APOL2: variants seen among roughly 807,000 people sequenced by gnomAD.
APOL2 encodes apolipoprotein L2.
Under a neutral mutation model 7.1 loss-of-function variants are expected in APOL2, and 8 were observed. The ratio of observed to expected loss-of-function variants is 1.12; its 90% CI spans 0.66 to 2.03. The LOEUF (loss-of-function observed/expected upper bound fraction) is 2.03, where lower values mean the gene tolerates loss of function less well. APOL2 is among the 30% of genes most tolerant of loss of function. APOL2 has a pLI of 0.00. For missense variants in APOL2, 471 were observed against 415.1 expected (o/e 1.13, Z -1.17); for synonymous variants, 177 against 159.9 (o/e 1.11, Z -0.81).
At chr22:36,236,608 C>T (rs962552717) in intron 1 of APOL2, 58 of 985,402 alleles carry the variant, frequency 5.9e-5, no homozygotes, top group Admixed American at 2.5e-4. Context: ...TGTGTCTCTG[C>T]GCACTCCCCG....
chr22:36,237,482 T>A, intron 1 of APOL2: 1 of 765,940 alleles, frequency 1.3e-6, no homozygotes, highest in Non-Finnish European at 1.6e-6. Flanking sequence ...TATCACAGCT[T>A]GCTGTAGCCT....
In APOL2 at chr22:36,226,663, G is replaced by GT. The variant is rs1556619172; in HGVS notation, c.*740_*741insA. The GT allele has an allele frequency of 2.1e-5, 1 of 47,600 alleles. No individual in the cohort carries two copies. Among genetic ancestry groups the GT allele is most frequent in the Admixed American group, 2.8e-4 (1 of 3,542 alleles). 2.9% of individuals were successfully genotyped at this position (47,600 alleles called of 1,614,324 possible). A position where few individuals can be genotyped will look rare whatever the true frequency, so the allele number is the denominator to read the frequency against. ...TTATTCTTGGAAGGACATCAAACCT[G>GT]GGGGGGGGTCGGTAGTGGAGCTGCT... On this transcript the variant is annotated 3_prime_UTR_variant, in exon 5 of 5. Coordinates refer to ENST00000358502, the MANE Select transcript of APOL2 (RefSeq NM_030882.4).
Position 36,236,784 on chromosome 22 carries a change from C to T in APOL2, c.-134+2657G>A, listed in dbSNP as rs545174806. The T allele has an allele frequency of 3.7e-6, 4 of 1,092,708 alleles. No homozygotes were observed. The East Asian group carries it at 2.1e-4, about 58-fold the overall frequency. The allele number at this position is 1,092,708 out of a possible 1,614,324, so 67.7% of individuals were successfully genotyped here. A position where few individuals can be genotyped will look rare whatever the true frequency, so the allele number is the denominator to read the frequency against. ...TTTCAGGGTCGAGGCATCCAGATATCTGTCTTCTGGGGCCCCTACGCAGCA... is the reference window on the plus strand; with the variant it reads ...TTTCAGGGTCGAGGCATCCAGATATTTGTCTTCTGGGGCCCCTACGCAGCA... On this transcript the variant is annotated intron_variant, in intron 1 of 4. Coordinates refer to ENST00000358502, the MANE Select transcript of APOL2 (RefSeq NM_030882.4).
chr22:36,239,169 G>T (rs913459218), intron 1 of APOL2: 8 of 1,242,370 alleles, frequency 6.4e-6, no homozygotes, highest in Non-Finnish European at 8.1e-6. Context: ...GTGTCTGAGG[G>T]TGTCAGAACC....
rs753758990 is a variant in APOL2 at position 36,227,977 on chromosome 22, C to T, written c.441G>A (p.Val147=). The T allele has an allele frequency of 2.8e-5, 45 of 1,614,208 alleles. 1 individual carries two copies. The Middle Eastern group carries it at 2.8e-3, about 101-fold the overall frequency. ...LAPFTEGISF[V]LLDTGMGLGA... is the part of the protein sequence containing the mutation. Reference sequence around the variant, plus strand: ...CCAGACCCATGCCAGTGTCCAAGAGCACAAAACTGATTCCTTCTGTGAAGG... The same window carrying T: ...CCAGACCCATGCCAGTGTCCAAGAGTACAAAACTGATTCCTTCTGTGAAGG... Residue 147 remains valine (V), a synonymous_variant, in exon 5 of 5, where the codon GTG becomes GTA. Coordinates refer to ENST00000358502, the MANE Select transcript of APOL2 (RefSeq NM_030882.4).
Position 36,233,176 on chromosome 22 carries a change from G to C in APOL2, c.-14C>G, listed in dbSNP as rs1456821407. 6.2e-7 allele frequency: 1 copy of C among 1,614,078 alleles called. No individual in the cohort carries two copies. Among genetic ancestry groups the C allele is most frequent in the Admixed American group, 1.7e-5 (1 of 60,018 alleles). On this transcript the variant is annotated 5_prime_UTR_variant, in exon 3 of 5. Transcript: ENST00000358502. ...ACCTGGGTTCATGGTGCCAGCGGCT[G>C]GGTTACCGAGGGGCTTTCCTTGGAG...
intron 1 of APOL2, chr22:36,236,898 G>A (rs1210841856): frequency 2.2e-5 from 28 of 1,298,038 alleles, no homozygotes; most frequent in Admixed American, 3.8e-5. Flanking sequence ...TAAGGGACGG[G>A]GTGACGGGAG....
intron 1 of APOL2, chr22:36,236,799 C>A: frequency 9.0e-7 from 1 of 1,115,158 alleles, no homozygotes; most frequent in Non-Finnish European, 1.1e-6. Context: ...TTCTGGGGCC[C>A]CTACGCAGCA....
At chr22:36,231,259 G>A in intron 4 of APOL2, 81 bp downstream of exon 4, 1 of 1,550,408 alleles carries the variant, frequency 6.4e-7, no homozygotes, top group South Asian at 1.2e-5. Context: ...GAGGAGGTGT[G>A]CCTGTCAGGG....
At position 36,239,470 on chromosome 22, in the gene APOL2, C is replaced by T. The variant is rs1325417497; in HGVS notation, c.-163G>A. ...GGATCTTCCTCTGACAGAGACTGAG[C>T]AAGATCCAACTGTTCTGAGCTGTGT... is the stretch of plus-strand genomic sequence containing the variant. On this transcript the variant is annotated 5_prime_UTR_variant, in exon 1 of 5. Coordinates refer to ENST00000358502, the MANE Select transcript of APOL2 (RefSeq NM_030882.4). The T allele has an allele frequency of 6.3e-7, 1 of 1,576,666 alleles. No individual in the cohort carries two copies. The highest frequency in any genetic ancestry group is 8.6e-7 in the Non-Finnish European group (1 of 1,167,916).
In APOL2 at chr22:36,229,643, C is replaced by T. The variant is rs1331628266; in HGVS notation, c.138-1363G>A. Among the ~76,000 whole-genome samples the T allele has an allele frequency of 5.9e-5, 9 of 152,208 alleles. 1 individual carries two copies. Among genetic ancestry groups the T allele is most frequent in the Admixed American group, 3.9e-4 (6 of 15,286 alleles). ...CAGTTTTCAGTGAGTTACGTGAGTC[C>T]TTCTAGTGAATTATAAAATCTAAGG... On this transcript the variant is annotated intron_variant, in intron 4 of 4. Transcript: ENST00000358502.
Position 36,239,453 on chromosome 22 carries a change from C to T in APOL2, c.-146G>A. On this transcript the variant is annotated 5_prime_UTR_variant, in exon 1 of 5. Coordinates refer to ENST00000358502, the MANE Select transcript of APOL2 (RefSeq NM_030882.4). ...ATCCCCAACTTACCAAGGGATCTTC[C>T]TCTGACAGAGACTGAGCAAGATCCA... 1 of 1,528,112 alleles carries T rather than the reference C, an allele frequency of 6.5e-7. No individual in the cohort carries two copies. Among genetic ancestry groups the T allele is most frequent in the South Asian group, 1.2e-5 (1 of 85,964 alleles). The allele number at this position is 1,528,112 out of a possible 1,614,324, so 94.7% of individuals were successfully genotyped here. A position where few individuals can be genotyped will look rare whatever the true frequency, so the allele number is the denominator to read the frequency against.
At chr22:36,235,704 A>G (rs1210512971) in intron 1 of APOL2, among the ~76,000 whole-genome samples, 1 of 151,124 alleles carries the variant, frequency 6.6e-6, no homozygotes, top group African/African-American at 2.4e-5. Flanking sequence ...AGGGTGTTCT[A>G]AGAAAGCTAC....
Position 36,235,744 on chromosome 22 carries a change from GGTGGGTGGGTGGGTGTGT to G in APOL2, c.-133-2307_-133-2290del, listed in dbSNP as rs1288840440. On this transcript the variant is annotated intron_variant, in intron 1 of 4. Coordinates refer to ENST00000358502, the MANE Select transcript of APOL2 (RefSeq NM_030882.4). ...GAATGAGCCACCGGGAGGAAGAAAGGGTGGGTGGGTGGGTGTGTGTGTGTGTGTGTGTGTGTGTGTGTG... is the reference window on the plus strand; with the variant it reads ...GAATGAGCCACCGGGAGGAAGAAAGGGTGTGTGTGTGTGTGTGTGTGTGTG... Among the ~76,000 whole-genome samples the G allele has an allele frequency of 4.0e-4, 40 of 101,010 alleles. No homozygotes were observed. In the Middle Eastern group the frequency reaches 0.014, roughly 34 times the overall value. 66.3% of individuals were successfully genotyped at this position (101,010 alleles called of 152,430 possible).
intron 4 of APOL2, among the ~76,000 whole-genome samples, chr22:36,230,147 A>G (rs953285925): frequency 6.6e-6 from 1 of 152,270 alleles, no homozygotes; most frequent in Non-Finnish European, 1.5e-5. Flanking sequence ...AATTTGGTCA[A>G]GATGGTAGAG....
intron 3 of APOL2, 41 bp downstream of exon 3, chr22:36,233,112 G>T: frequency 6.3e-7 from 1 of 1,596,644 alleles, no homozygotes; most frequent in East Asian, 2.2e-5. Context: ...TCCATTCTAG[G>T]TGCGAGTAGG....
At chr22:36,235,820 G>T (rs2015386180) in intron 1 of APOL2, among the ~76,000 whole-genome samples, 1 of 151,044 alleles carries the variant, frequency 6.6e-6, no homozygotes, top group Admixed American at 6.6e-5. Context: ...GGCAGGTGGG[G>T]ATAACCAAGA....
intron 1 of APOL2, 100 bp from the exon 2 acceptor site, chr22:36,233,555 A>C: frequency 1.8e-6 from 2 of 1,082,736 alleles, no homozygotes; most frequent in South Asian, 2.7e-5. Flanking sequence ...GGGAGGGAAC[A>C]TTCTGACAAT....
intron 3 of APOL2, 121 bp from the exon 4 acceptor site, chr22:36,231,587 T>C (rs752323688): frequency 4.7e-6 from 6 of 1,269,360 alleles, no homozygotes; most frequent in Non-Finnish European, 6.7e-6. Context: ...ACATGTTTGA[T>C]GGAGTCATCA....
Sources: allele counts gnomAD v4.1 joint callset (sites outside exome capture counted in the v4.1 genomes callset), GRCh38; gene constraint gnomAD v4.1.1; transcripts MANE v1.5; gene names NCBI Gene and HGNC (gene_info 2026-07-23, HGNC 2026-07-21).